The following TOX2 variants were observed in gnomAD, a reference collection of about 807,000 sequenced individuals.
TOX2 encodes granulosa cell HMG box 1.
Under a neutral mutation model 47.4 loss-of-function variants are expected in TOX2, and 15 were observed. The observed-to-expected ratio is 0.32, with a 90% CI of 0.21 to 0.49. TOX2 has a LOEUF of 0.49. Among genes scored for constraint, TOX2 ranks in the 20% least tolerant of loss-of-function variants. TOX2 has a pLI of 0.99. For missense variants in TOX2, 622 were observed against 673.1 expected, an observed-to-expected ratio of 0.92 and a Z score of 0.84; for synonymous variants, 290 against 296.6, an observed-to-expected ratio of 0.98 and a Z score of 0.23.
Position 43,914,955 on chromosome 20 carries a change from G to T in TOX2, c.64G>T (p.Gly22Cys), listed in dbSNP as rs181994793. 3,729 of 1,254,926 alleles carry T rather than the reference G, an allele frequency of 3.0e-3. 12 individuals are homozygous for T. The highest frequency in any genetic ancestry group is 3.6e-3 in the Non-Finnish European group (3,606 of 998,812). The allele number at this position is 1,254,926 out of a possible 1,614,324, so 77.7% of individuals were successfully genotyped here. A position where few individuals can be genotyped will look rare whatever the true frequency, so the allele number is the denominator to read the frequency against. The change falls in exon 1 of 9, where the codon GGC (glycine) becomes TGC (cysteine). Residue 22 changes from glycine to cysteine, a missense_variant. Coordinates refer to ENST00000341197, the MANE Select transcript of TOX2 (RefSeq NM_001098797.2). This position sits in a 1 kb window ranked among gnomAD's most constrained non-coding sequence, Gnocchi z 4.5. ...VGARPGAEPA[G>C]LAHLDYYHGG... ...CGCGCGGCCCGGGGCCGAGCCGGCCGGCCTGGCGCACCTGGACTATTACCA... is the reference window on the plus strand; with the variant it reads ...CGCGCGGCCCGGGGCCGAGCCGGCCTGCCTGGCGCACCTGGACTATTACCA...
At position 43,916,761 on chromosome 20, in the gene TOX2, G is replaced by A. The variant is rs1600643216; in HGVS notation, c.99+1771G>A. On this transcript the variant is annotated intron_variant, in intron 1 of 8. Coordinates refer to ENST00000341197, the MANE Select transcript of TOX2 (RefSeq NM_001098797.2). This position sits in a 1 kb window ranked among gnomAD's most constrained non-coding sequence, Gnocchi z 5.0. ...GGGTGTGGGTGGGCTGGGCATTTGTGCCTCAAAGTCTGAGTGGGTGGGGGT... is the reference window on the plus strand; with the variant it reads ...GGGTGTGGGTGGGCTGGGCATTTGTACCTCAAAGTCTGAGTGGGTGGGGGT... Among the ~76,000 whole-genome samples the A allele has an allele frequency of 6.6e-6, 1 of 152,298 alleles. No individual in the cohort carries two copies. The highest frequency in any genetic ancestry group is 6.5e-5 in the Admixed American group (1 of 15,296).
At chr20:43,995,055 C>T (rs1389897913) in intron 2 of TOX2, among the ~76,000 whole-genome samples, 1 of 152,028 alleles carries the variant, frequency 6.6e-6, no homozygotes, top group African/African-American at 2.4e-5. Context: ...ATCCACGCTT[C>T]ATTTTACCGG....
At chr20:43,997,060 T>TC (rs2070494485) in intron 2 of TOX2, among the ~76,000 whole-genome samples, 1 of 152,152 alleles carries the variant, frequency 6.6e-6, no homozygotes, top group Admixed American at 6.5e-5. Flanking sequence ...TATGCTATAC[T>TC]CCAACTCTCA....
chr20:44,039,922 C>T (rs886154251), intron 3 of TOX2, among the ~76,000 whole-genome samples: 3 of 152,192 alleles, frequency 2.0e-5, no homozygotes, highest in Admixed American at 6.5e-5. Context: ...GCACAATAAC[C>T]CTCTGTAGGG....
rs148972789 is a variant in TOX2 at position 43,934,798 on chromosome 20, TTGTG to T, written c.99+19832_99+19835del. Among the ~76,000 whole-genome samples, 128 of 147,848 alleles carry T rather than the reference TTGTG, an allele frequency of 8.7e-4. 1 individual carries two copies. Among genetic ancestry groups the T allele is most frequent in the African/African-American group, 2.7e-3 (110 of 40,172 alleles). ...ATTCAGACTTCATCTGTGTGTGTGT[TTGTG>T]TGTGTGTGTGTGTGTGTGTGTGTAT... On this transcript the variant is annotated intron_variant, in intron 1 of 8. Transcript: ENST00000341197.
intron 1 of TOX2, among the ~76,000 whole-genome samples, chr20:43,969,022 T>C (rs1313316559): frequency 6.6e-6 from 1 of 152,230 alleles, no homozygotes. Context: ...GTGTTCACAT[T>C]TGTGTGAGTT....
At chr20:44,041,105 C>T (rs895348625) in intron 3 of TOX2, among the ~76,000 whole-genome samples, 1 of 152,168 alleles carries the variant, frequency 6.6e-6, no homozygotes, top group African/African-American at 2.4e-5. Flanking sequence ...GCTGGAGACT[C>T]GCTTCAGGCT....
At chr20:43,994,353 G>A (rs2070427884) in intron 2 of TOX2, among the ~76,000 whole-genome samples, 1 of 151,604 alleles carries the variant, frequency 6.6e-6, no homozygotes, top group South Asian at 2.1e-4. Context: ...CAGCTATTCA[G>A]GAGGCTGAGG....
intron 1 of TOX2, among the ~76,000 whole-genome samples, chr20:43,952,019 C>G (rs972871394): frequency 6.6e-6 from 1 of 151,858 alleles, no homozygotes; most frequent in East Asian, 1.9e-4. Flanking sequence ...GTCTCGCCCT[C>G]CCGAGTAGCT....
chr20:44,040,124 T>C (rs2071308727), intron 3 of TOX2, among the ~76,000 whole-genome samples: 1 of 152,216 alleles, frequency 6.6e-6, no homozygotes, highest in Non-Finnish European at 1.5e-5. Flanking sequence ...ACCACTTCTG[T>C]GTCCCTCTCT....
rs548559548 is a variant in TOX2, at chr20:44,062,938, T to C, written c.880-1839T>C. Among the ~76,000 whole-genome samples the C allele has an allele frequency of 8.3e-4, 126 of 152,294 alleles. 1 individual carries two copies. The highest frequency in any genetic ancestry group is 3.0e-3 in the African/African-American group (124 of 41,562). On this transcript the variant is annotated intron_variant, in intron 5 of 8. Transcript: ENST00000341197. ...GTGCTTGGATAATTGGCAAGCCACA[T>C]GTAGAAGAGTGAAACTGGATCCTCA...
chr20:43,937,937 A>G (rs6093898), intron 1 of TOX2, among the ~76,000 whole-genome samples: 27,946 of 152,066 alleles, frequency 0.18, 3,545 homozygotes, highest in East Asian at 0.37. Context: ...TGTGGGTTCC[A>G]GCTTCTTGCC....
In TOX2 at chr20:43,939,021, C is replaced by T. The variant is rs143477486; in HGVS notation, c.99+24031C>T. Among the ~76,000 whole-genome samples the T allele has an allele frequency of 4.6e-5, 7 of 152,274 alleles. No homozygotes were observed. The South Asian group carries it at 6.2e-4, about 14-fold the overall frequency. ...AGTTGAGGGTGGAGCTTCCTGGAGT[C>T]GCTGGCTTCACCTGCCTCTGCAGCC... On this transcript the variant is annotated intron_variant, in intron 1 of 8. Transcript: ENST00000341197.
intron 3 of TOX2, among the ~76,000 whole-genome samples, chr20:44,008,805 G>T (rs918225477): frequency 1.2e-4 from 19 of 152,250 alleles, no homozygotes; most frequent in African/African-American, 3.4e-4. Context: ...ATACAAAAGA[G>T]TATGAAATAT....
chr20:44,028,445 G>A (rs531454261), intron 3 of TOX2, among the ~76,000 whole-genome samples: 35 of 152,322 alleles, frequency 2.3e-4, no homozygotes, highest in Non-Finnish European at 2.9e-4. Flanking sequence ...TCGCTGCAGC[G>A]CTTAGAGCTG....
intron 5 of TOX2, among the ~76,000 whole-genome samples, chr20:44,064,378 G>A (rs570810479): frequency 1.2e-4 from 19 of 152,294 alleles, no homozygotes; most frequent in Admixed American, 1.3e-4. Flanking sequence ...TTAGCAAACC[G>A]AATCCAAACT....
intron 2 of TOX2, among the ~76,000 whole-genome samples, chr20:43,988,667 G>A (rs1419209793): frequency 6.6e-6 from 1 of 152,196 alleles, no homozygotes; most frequent in Non-Finnish European, 1.5e-5. Context: ...GCACAGGGTA[G>A]GAGTGGAGTT....
In TOX2 at chr20:43,999,183, TTA is replaced by T. The variant is rs751970204; in HGVS notation, c.166-7362_166-7361del. 2.1e-4 allele frequency among the ~76,000 whole-genome samples: 32 copies of T among 152,340 alleles called. No individual in the cohort carries two copies. In the East Asian group the frequency reaches 2.1e-3, roughly 10 times the overall value. On this transcript the variant is annotated intron_variant, in intron 2 of 8. Transcript: ENST00000341197. ...AATAAAGCAATTGAAATCATTCGTA[TTA>T]TGTTATGAATATTTAGTCTTAATGC...
At chr20:43,931,528 G>A (rs145558579) in intron 1 of TOX2, among the ~76,000 whole-genome samples, 240 of 152,318 alleles carry the variant, frequency 1.6e-3, no homozygotes, top group African/African-American at 5.4e-3. Flanking sequence ...CTTCCCATCT[G>A]GCATCTCTGA....
Sources: gnomAD v4.1 joint callset for allele counts (sites outside exome capture counted in the v4.1 genomes callset) on GRCh38, gnomAD v4.1.1 for gene constraint, Gnocchi (gnomAD v3.1) non-coding constraint, MANE v1.5 for transcripts, NCBI Gene and HGNC (gene_info 2026-07-23, HGNC 2026-07-21) for gene names.